The following TMEM14B variants were observed in gnomAD, a reference collection of about 807,000 sequenced individuals.
TMEM14B encodes the protein transmembrane protein 14B.
TMEM14B carries 9 observed loss-of-function variants against 14.8 expected under a neutral mutation model. The observed-to-expected ratio is 0.61, with a 90% CI of 0.37 to 1.06. TMEM14B has a LOEUF of 1.06. Ranked by LOEUF, TMEM14B falls within the 50% of genes least tolerant of loss-of-function variation. The pLI is 0.01. For missense variants in TMEM14B, 128 were observed against 143.6 expected (o/e 0.89, Z 0.56); for synonymous variants, 40 against 51.3 (o/e 0.78, Z 0.94).
intron 3 of TMEM14B, 105 bp downstream of exon 3, chr6:10,749,803 G>C: frequency 7.3e-7 from 1 of 1,368,518 alleles, no homozygotes; most frequent in South Asian, 1.2e-5. Context: ...CAGCTTTGCT[G>C]TAGGTCCCCA....
chr6:10,747,796 C>A (rs1434520646), upstream of TMEM14B: 1 of 152,582 alleles, frequency 6.6e-6, no homozygotes, highest in Non-Finnish European at 1.5e-5. Flanking sequence ...CGGGGCGCAG[C>A]GCGCACGCAA....
intron 5 of TMEM14B, among the ~76,000 whole-genome samples, chr6:10,756,086 AT>A: frequency 6.6e-6 from 1 of 152,230 alleles, no homozygotes; most frequent in East Asian, 1.9e-4. Flanking sequence ...CCAGTATAAT[AT>A]TTTATACCTG....
chr6:10,748,981 G>A (rs1235562116), intron 1 of TMEM14B, among the ~76,000 whole-genome samples: 2 of 152,228 alleles, frequency 1.3e-5, no homozygotes, highest in African/African-American at 4.8e-5. Flanking sequence ...TATGTGAAAT[G>A]ATCGGCATCT....
At chr6:10,753,582 C>G (rs1341606007) in intron 4 of TMEM14B, among the ~76,000 whole-genome samples, 1 of 151,812 alleles carries the variant, frequency 6.6e-6, no homozygotes, top group Non-Finnish European at 1.5e-5. Context: ...TAATTTCCAC[C>G]GATACACAAA....
chr6:10,749,976 C>G (rs372225933), intron 3 of TMEM14B: 17 of 483,026 alleles, frequency 3.5e-5, no homozygotes, highest in Admixed American at 6.7e-5. Flanking sequence ...GACTGCCATT[C>G]ATCAGCCATG....
At chr6:10,752,624 C>T (rs1220962606) in intron 4 of TMEM14B, among the ~76,000 whole-genome samples, 1 of 151,712 alleles carries the variant, frequency 6.6e-6, no homozygotes, top group East Asian at 1.9e-4. Flanking sequence ...GTCAGGCTAA[C>T]GTTTGCATTT....
downstream of TMEM14B, chr6:10,759,324 G>C: frequency 6.6e-6 from 1 of 152,152 alleles, no homozygotes; most frequent in East Asian, 1.9e-4. Context: ...TGATAGCCGG[G>C]AGCAGTGGCT....
At chr6:10,758,160 G>T (rs148950381), downstream of TMEM14B, among the ~76,000 whole-genome samples, 1 of 152,072 alleles carries the variant, frequency 6.6e-6, no homozygotes, top group Non-Finnish European at 1.5e-5. Context: ...TGTTGCAGTG[G>T]TAGAGGCATC....
intron 4 of TMEM14B, among the ~76,000 whole-genome samples, chr6:10,753,516 G>C (rs907033439): frequency 1.7e-4 from 26 of 151,576 alleles, no homozygotes. Flanking sequence ...AGATATTGAA[G>C]TTCTTCAGGC....
intron 3 of TMEM14B, 173 bp downstream of exon 3, chr6:10,749,871 T>G (rs1442317953): frequency 2.6e-6 from 2 of 757,352 alleles, no homozygotes; most frequent in Non-Finnish European, 4.5e-6. Context: ...CTTTTGCTTA[T>G]CTGGTGAAGC....
chr6:10,758,140 A>G (rs1444290896), downstream of TMEM14B, among the ~76,000 whole-genome samples: 1 of 152,174 alleles, frequency 6.6e-6, no homozygotes, highest in African/African-American at 2.4e-5. Flanking sequence ...TGGACAATTA[A>G]GGGCTCTTGT....
At chr6:10,749,366 G>C (rs1419227527) in intron 2 of TMEM14B, 98 bp downstream of exon 2, 4 of 1,473,564 alleles carry the variant, frequency 2.7e-6, no homozygotes, top group Non-Finnish European at 3.8e-6. Context: ...GACTGCCTGG[G>C]ATGGCGTGCG....
chr6:10,752,090 G>A (rs1006648824), intron 4 of TMEM14B, among the ~76,000 whole-genome samples: 1 of 151,980 alleles, frequency 6.6e-6, no homozygotes, highest in African/African-American at 2.4e-5. Context: ...GGGGAAGGAG[G>A]TGTGTCCAGG....
chr6:10,759,699 T>C (rs898985352), downstream of TMEM14B: 2 of 152,198 alleles, frequency 1.3e-5, no homozygotes, highest in Non-Finnish European at 2.9e-5. Flanking sequence ...CCTCTGCCTT[T>C]GTAGAATGAA....
chr6:10,758,922 TTTTTTTTTTTTTTG>T (rs1771889362), downstream of TMEM14B: 2 of 166,066 alleles, frequency 1.2e-5, no homozygotes, highest in Admixed American at 6.7e-5. Flanking sequence ...TTTTTTTTTT[TTTTTTTTTTTTTTG>T]AGATGGAGTA....
chr6:10,748,578 G>A (rs975932076), intron 1 of TMEM14B, among the ~76,000 whole-genome samples: 5 of 152,178 alleles, frequency 3.3e-5, no homozygotes, highest in Admixed American at 6.5e-5. Context: ...AATAAACGGC[G>A]TATGCATTGC....
intron 4 of TMEM14B, among the ~76,000 whole-genome samples, chr6:10,752,008 G>C (rs2127495008): frequency 6.6e-6 from 1 of 152,170 alleles, no homozygotes; most frequent in Admixed American, 6.5e-5. Flanking sequence ...ATGTGGGAGG[G>C]AGAAGCCGTG....
downstream of TMEM14B, chr6:10,757,116 A>G (rs1414095271): frequency 1.8e-6 from 1 of 557,516 alleles, no homozygotes; most frequent in African/African-American, 2.1e-5. Context: ...AAGGAAAGTT[A>G]TTTGATTGTA....
At chr6:10,757,333 T>A (rs1278827615), downstream of TMEM14B, among the ~76,000 whole-genome samples, 2 of 152,156 alleles carry the variant, frequency 1.3e-5, no homozygotes, top group African/African-American at 4.8e-5. Flanking sequence ...TAATTTATTT[T>A]ATTTTTTTGT....
Sources: gnomAD v4.1 joint callset for allele counts (sites outside exome capture counted in the v4.1 genomes callset) on GRCh38, gnomAD v4.1.1 for gene constraint, MANE v1.5 for transcripts, NCBI Gene and HGNC (gene_info 2026-07-23, HGNC 2026-07-21) for gene names.